The following PEX14 variants were observed in gnomAD, a reference collection of about 807,000 sequenced individuals.
PEX14 encodes the protein peroxisomal membrane protein PEX14.
A neutral mutation model predicts 49.5 loss-of-function variants in PEX14; 15 were observed. The observed-to-expected ratio is 0.30, with a 90% CI of 0.20 to 0.47. The LOEUF is 0.47. Among genes scored for constraint, PEX14 ranks in the 20% least tolerant of loss-of-function variants. The pLI is 1.00. For missense variants in PEX14, 398 were observed against 494.8 expected (o/e 0.80, Z 1.86); for synonymous variants, 210 against 212.7 (o/e 0.99, Z 0.11).
At chr1:10,480,785 C>T (rs1641268923) in intron 1 of PEX14, among the ~76,000 whole-genome samples, 1 of 151,862 alleles carries the variant, frequency 6.6e-6, no homozygotes, top group Non-Finnish European at 1.5e-5. Flanking sequence ...AAAACTTAAC[C>T]AAGATGCACT....
At chr1:10,481,641 C>T (rs942439522) in intron 1 of PEX14, among the ~76,000 whole-genome samples, 9 of 150,944 alleles carry the variant, frequency 6.0e-5, no homozygotes, top group African/African-American at 1.7e-4. Flanking sequence ...CTCGCTGTGT[C>T]GCCCAGGCTG....
chr1:10,598,273 G>C (rs1640884048), intron 3 of PEX14, among the ~76,000 whole-genome samples: 1 of 152,270 alleles, frequency 6.6e-6, no homozygotes, highest in Middle Eastern at 3.4e-3. Context: ...GCTACTTCCT[G>C]AGCTGGCCCC....
In PEX14 at chr1:10,539,992, CACTT is replaced by C. The variant is rs1413824698; in HGVS notation, c.169+3699_169+3702del. On this transcript the variant is annotated intron_variant, in intron 3 of 8. Coordinates refer to ENST00000356607, the MANE Select transcript of PEX14 (RefSeq NM_004565.3). This position sits in a 1 kb window ranked among gnomAD's most constrained non-coding sequence, Gnocchi z 4.6. ...GTGGGGCCTGGGTGCTGTTGGCTCACACTTACTGTGTCCTTCTCAAGTGTCTAAG... is the reference window on the plus strand; with the variant it reads ...GTGGGGCCTGGGTGCTGTTGGCTCACACTGTGTCCTTCTCAAGTGTCTAAG... Among the ~76,000 whole-genome samples the C allele has an allele frequency of 6.6e-6, 1 of 152,200 alleles. No individual in the cohort carries two copies. The highest frequency in any genetic ancestry group is 2.4e-5 in the African/African-American group (1 of 41,454).
chr1:10,573,930 A>G (rs544798248), intron 3 of PEX14, among the ~76,000 whole-genome samples: 2 of 152,208 alleles, frequency 1.3e-5, no homozygotes, highest in African/African-American at 4.8e-5. Flanking sequence ...GTGAAACCCC[A>G]TCTCTACTAA....
chr1:10,520,154 T>TTTTTTTTTTTTTTTG, intron 2 of PEX14, among the ~76,000 whole-genome samples: 2 of 64,532 alleles, frequency 3.1e-5, no homozygotes, highest in Non-Finnish European at 4.3e-5. Context: ...TCTTCTTTTT[T>TTTTTTTTTTTTTTTG]TTTTTTTTGT....
At chr1:10,616,464 C>T (rs762356502) in intron 4 of PEX14, among the ~76,000 whole-genome samples, 20 of 152,218 alleles carry the variant, frequency 1.3e-4, no homozygotes, top group African/African-American at 2.2e-4. Context: ...GAGTTCAGAA[C>T]GCTGCTGATT....
Position 10,630,116 on chromosome 1 carries a change from T to G in PEX14, c.*129T>G. 1 of 1,411,390 alleles carries G rather than the reference T, an allele frequency of 7.1e-7. No homozygotes were observed. The highest frequency in any genetic ancestry group is 9.5e-7 in the Non-Finnish European group (1 of 1,049,252). 87.4% of individuals were successfully genotyped at this position (1,411,390 alleles called of 1,614,324 possible). A position where few individuals can be genotyped will look rare whatever the true frequency, so the allele number is the denominator to read the frequency against. ...GGTAGGGGGCAGAGCTGTCCTCAGCTGCACTGCGGCCTGGTGGCAGTGTGG... is the reference window on the plus strand; with the variant it reads ...GGTAGGGGGCAGAGCTGTCCTCAGCGGCACTGCGGCCTGGTGGCAGTGTGG... On this transcript the variant is annotated 3_prime_UTR_variant, in exon 9 of 9. Transcript: ENST00000356607. This position sits in a 1 kb window ranked among gnomAD's most constrained non-coding sequence, Gnocchi z 4.1.
At chr1:10,540,371 G>A (rs1002350308) in intron 3 of PEX14, among the ~76,000 whole-genome samples, 3 of 151,966 alleles carry the variant, frequency 2.0e-5, no homozygotes, top group African/African-American at 7.3e-5. Context: ...GCATGTCCTT[G>A]AATGGAATCT....
chr1:10,509,809 A>G (rs1160412868), intron 2 of PEX14, among the ~76,000 whole-genome samples: 1 of 152,098 alleles, frequency 6.6e-6, no homozygotes, highest in Non-Finnish European at 1.5e-5. Flanking sequence ...AAGGGAGGAG[A>G]AAATTGAGTT....
At chr1:10,606,430 G>A (rs1323805378) in intron 4 of PEX14, among the ~76,000 whole-genome samples, 1 of 152,172 alleles carries the variant, frequency 6.6e-6, no homozygotes, top group Non-Finnish European at 1.5e-5. Context: ...CCTTGCCTGC[G>A]AGTGAGGCTG....
intron 2 of PEX14, among the ~76,000 whole-genome samples, chr1:10,534,352 G>A (rs543484348): frequency 1.3e-5 from 2 of 152,064 alleles, no homozygotes; most frequent in South Asian, 4.2e-4. Context: ...GCTTCCGTTG[G>A]TTTTTCTGCT....
chr1:10,536,767 T>A (rs1214028063), intron 3 of PEX14, among the ~76,000 whole-genome samples: 1 of 152,166 alleles, frequency 6.6e-6, no homozygotes, highest in Non-Finnish European at 1.5e-5. Context: ...ATTTACAGAT[T>A]GAAGCGGTAA....
chr1:10,496,172 G>A (rs527833420), intron 2 of PEX14, among the ~76,000 whole-genome samples: 11 of 152,326 alleles, frequency 7.2e-5, no homozygotes, highest in African/African-American at 2.6e-4. Context: ...CTGAATTCCA[G>A]TGTGTACGAA....
At chr1:10,600,988 G>A (rs564474739) in intron 4 of PEX14, among the ~76,000 whole-genome samples, 31 of 152,062 alleles carry the variant, frequency 2.0e-4, no homozygotes, top group Admixed American at 1.9e-3. Context: ...CAGGCCGGGC[G>A]CGGTGGCTCA....
intron 2 of PEX14, among the ~76,000 whole-genome samples, chr1:10,522,627 A>T (rs901958535): frequency 6.6e-6 from 1 of 152,210 alleles, no homozygotes; most frequent in Non-Finnish European, 1.5e-5. Flanking sequence ...TGGCTGGTGT[A>T]CCGTGAGGAC....
At chr1:10,584,984 A>G (rs1287170934) in intron 3 of PEX14, among the ~76,000 whole-genome samples, 6 of 152,178 alleles carry the variant, frequency 3.9e-5, no homozygotes, top group Admixed American at 3.3e-4. Flanking sequence ...AGGGAAAGTT[A>G]TATGTGCGAG....
At chr1:10,501,070 A>T (rs1196097744) in intron 2 of PEX14, among the ~76,000 whole-genome samples, 1 of 152,208 alleles carries the variant, frequency 6.6e-6, no homozygotes, top group African/African-American at 2.4e-5. Context: ...GGATTTCAGG[A>T]ACTTGTCATT....
chr1:10,630,123 C>T lies in PEX14; in HGVS notation c.*136C>T, dbSNP rs762878630. 1.2e-5 allele frequency: 16 copies of T among 1,364,392 alleles called. No individual in the cohort carries two copies. Among genetic ancestry groups the T allele is most frequent in the Admixed American group, 1.2e-4 (5 of 43,092 alleles). The allele number at this position is 1,364,392 out of a possible 1,614,324, so 84.5% of individuals were successfully genotyped here. ...GGCAGAGCTGTCCTCAGCTGCACTG[C>T]GGCCTGGTGGCAGTGTGGGGAGTCA... On this transcript the variant is annotated 3_prime_UTR_variant, in exon 9 of 9. Coordinates refer to ENST00000356607, the MANE Select transcript of PEX14 (RefSeq NM_004565.3). The surrounding 1 kb of genome is among the most constrained non-coding windows in gnomAD (Gnocchi z 4.1).
In PEX14 at chr1:10,630,363, G is replaced by GAGCT. The variant is rs926009228; in HGVS notation, c.*380_*383dup. 6 of 295,876 alleles carry GAGCT rather than the reference G, an allele frequency of 2.0e-5. No individual in the cohort carries two copies. Among genetic ancestry groups the GAGCT allele is most frequent in the African/African-American group, 1.3e-4 (6 of 46,170 alleles). The allele number at this position is 295,876 out of a possible 1,614,324, so 18.3% of individuals were successfully genotyped here. A position where few individuals can be genotyped will look rare whatever the true frequency, so the allele number is the denominator to read the frequency against. ...ACTACCGTGACACCACGCATGGCCAGAGCTAGCGTCCCTACTGCCTCCCGA... is the reference window on the plus strand; with the variant it reads ...ACTACCGTGACACCACGCATGGCCAGAGCTAGCTAGCGTCCCTACTGCCTCCCGA... On this transcript the variant is annotated 3_prime_UTR_variant, in exon 9 of 9. Transcript: ENST00000356607. This position sits in a 1 kb window ranked among gnomAD's most constrained non-coding sequence, Gnocchi z 4.1.
Sources: allele counts gnomAD v4.1 joint callset (sites outside exome capture counted in the v4.1 genomes callset), GRCh38; gene constraint gnomAD v4.1.1; non-coding constraint Gnocchi (gnomAD v3.1); transcripts MANE v1.5; gene names NCBI Gene and HGNC (gene_info 2026-07-23, HGNC 2026-07-21).